The following CSNK1G1 variants were observed in gnomAD, a reference collection of about 807,000 sequenced individuals.
CSNK1G1 encodes casein kinase I isoform gamma-1.
In CSNK1G1, 22 loss-of-function variants were observed where a neutral mutation model predicts 59.6. The ratio of observed to expected loss-of-function variants is 0.37; its 90% CI spans 0.26 to 0.53. The LOEUF (loss-of-function observed/expected upper bound fraction) is 0.53, where lower values mean the gene tolerates loss of function less well. Ranked by LOEUF, CSNK1G1 falls within the 20% of genes least tolerant of loss-of-function variation. The pLI is 0.89. For synonymous variants in CSNK1G1, 179 were observed against 177.1 expected, an observed-to-expected ratio of 1.01 and a Z score of -0.08; for missense variants, 384 against 519.5, an observed-to-expected ratio of 0.74 and a Z score of 2.54.
chr15:64,305,738 A>C (rs1895651371), intron 1 of CSNK1G1, among the ~76,000 whole-genome samples: 1 of 149,330 alleles, frequency 6.7e-6, no homozygotes, highest in Non-Finnish European at 1.5e-5. Context: ...AAAACTTACT[A>C]TAAAGCTACA....
chr15:64,205,424 T>C (rs2082163917), intron 7 of CSNK1G1, among the ~76,000 whole-genome samples: 2 of 152,086 alleles, frequency 1.3e-5, no homozygotes, highest in Admixed American at 6.6e-5. Context: ...AACTGAAAAA[T>C]GTCTTTCAAC....
chr15:64,227,797 A>G (rs966944238), intron 4 of CSNK1G1, among the ~76,000 whole-genome samples: 5 of 152,216 alleles, frequency 3.3e-5, no homozygotes, highest in African/African-American at 1.2e-4. Context: ...GAAATCTCCT[A>G]GGTTCCCAAA....
intron 1 of CSNK1G1, among the ~76,000 whole-genome samples, chr15:64,316,003 A>G (rs1896241947): frequency 6.6e-6 from 1 of 152,174 alleles, no homozygotes; most frequent in Non-Finnish European, 1.5e-5. Context: ...TATTTAAAGC[A>G]CACATTTGGG....
At chr15:64,283,561 C>CA (rs1894256330) in intron 2 of CSNK1G1, among the ~76,000 whole-genome samples, 2 of 151,814 alleles carry the variant, frequency 1.3e-5, no homozygotes, top group Admixed American at 1.3e-4. Context: ...AGGCTGGTCT[C>CA]AAACTCCTGA....
intron 10 of CSNK1G1, chr15:64,181,286 A>T: frequency 6.5e-7 from 1 of 1,536,020 alleles, no homozygotes; most frequent in Non-Finnish European, 8.7e-7. Context: ...GTTAATGTGG[A>T]CCCAATCAGG....
In CSNK1G1 at chr15:64,173,753, G is replaced by A. The variant is rs539887580; in HGVS notation, c.1215-1768C>T. On this transcript the variant is annotated intron_variant, in intron 11 of 11. Transcript: ENST00000303052. Reference sequence around the variant, plus strand: ...TTCTCCTGCCTCAGCCTCCTGAGTAGCTGGTGCCCACCAGCACACCCGGCT... The same window carrying A: ...TTCTCCTGCCTCAGCCTCCTGAGTAACTGGTGCCCACCAGCACACCCGGCT... 3.3e-5 allele frequency among the ~76,000 whole-genome samples: 5 copies of A among 151,054 alleles called. No individual in the cohort carries two copies. The East Asian group carries it at 9.8e-4, about 30-fold the overall frequency.
At chr15:64,269,456 T>C (rs1180567623) in intron 2 of CSNK1G1, among the ~76,000 whole-genome samples, 1 of 151,980 alleles carries the variant, frequency 6.6e-6, no homozygotes, top group Admixed American at 6.6e-5. Context: ...TTCTGGCTTG[T>C]GTGCACAGAG....
intron 3 of CSNK1G1, among the ~76,000 whole-genome samples, chr15:64,258,641 C>T (rs1176910644): frequency 1.3e-5 from 2 of 151,844 alleles, no homozygotes; most frequent in Non-Finnish European, 1.5e-5. Flanking sequence ...ATTATTAGTC[C>T]TCAAAAATAA....
chr15:64,251,614 T>C, intron 3 of CSNK1G1, 33 bp from the exon 4 acceptor site: 1 of 1,489,912 alleles, frequency 6.7e-7, no homozygotes, highest in Non-Finnish European at 9.3e-7. Flanking sequence ...GTGATCAGAT[T>C]TAAACAAATG....
intron 4 of CSNK1G1, among the ~76,000 whole-genome samples, chr15:64,238,267 T>C (rs1174460625): frequency 2.7e-5 from 4 of 150,920 alleles, no homozygotes; most frequent in South Asian, 2.1e-4. Flanking sequence ...TATACGCACA[T>C]AAAAAAAATC....
intron 4 of CSNK1G1, among the ~76,000 whole-genome samples, chr15:64,230,834 C>A (rs761823817): frequency 6.6e-6 from 1 of 151,956 alleles, no homozygotes; most frequent in African/African-American, 2.4e-5. Flanking sequence ...ATTAGCCAGG[C>A]GTGGTGGTGG....
At chr15:64,224,433 G>T (rs974713619) in intron 4 of CSNK1G1, among the ~76,000 whole-genome samples, 2 of 152,078 alleles carry the variant, frequency 1.3e-5, no homozygotes, top group Non-Finnish European at 2.9e-5. Context: ...AGGGAAAAAT[G>T]GAAGCATAGC....
chr15:64,237,642 T>C (rs2082633754), intron 4 of CSNK1G1, among the ~76,000 whole-genome samples: 1 of 152,216 alleles, frequency 6.6e-6, no homozygotes, highest in South Asian at 2.1e-4. Context: ...GCTCAGCTTA[T>C]TTATAATGTA....
chr15:64,321,240 A>G (rs1566946678), intron 1 of CSNK1G1, among the ~76,000 whole-genome samples: 1 of 149,242 alleles, frequency 6.7e-6, no homozygotes, highest in Admixed American at 6.7e-5. Context: ...AAAAAAAAGC[A>G]TTTTTTTTCT....
intron 2 of CSNK1G1, among the ~76,000 whole-genome samples, chr15:64,267,256 C>CAAAAAAAAA (rs199581105): frequency 1.3e-4 from 8 of 61,814 alleles, no homozygotes; most frequent in African/African-American, 2.4e-4. Context: ...GACCTTATCT[C>CAAAAAAAAA]AAAAAAAAAA....
At chr15:64,324,564 C>CA (rs1035802087) in intron 1 of CSNK1G1, among the ~76,000 whole-genome samples, 13 of 152,346 alleles carry the variant, frequency 8.5e-5, no homozygotes, top group African/African-American at 2.9e-4. Flanking sequence ...GGCCTTCGGC[C>CA]ACAGACTGGA....
intron 1 of CSNK1G1, among the ~76,000 whole-genome samples, chr15:64,328,378 TAAAGA>T (rs1484106625): frequency 4.8e-5 from 7 of 145,818 alleles, no homozygotes; most frequent in Non-Finnish European, 7.5e-5. Context: ...TCAACATTCT[TAAAGA>T]AAAGAATTTT....
chr15:64,271,948 T>C (rs1702793717), intron 2 of CSNK1G1, among the ~76,000 whole-genome samples: 2 of 152,220 alleles, frequency 1.3e-5, no homozygotes, highest in Admixed American at 6.5e-5. Flanking sequence ...GTCGGGTGCA[T>C]ATATACTTAG....
chr15:64,341,551 C>CA (rs1897681176), intron 1 of CSNK1G1, among the ~76,000 whole-genome samples: 1 of 152,232 alleles, frequency 6.6e-6, no homozygotes, highest in Non-Finnish European at 1.5e-5. Context: ...GATCTCACTG[C>CA]AGCCTCAAAC....
Sources: gnomAD v4.1 joint callset for allele counts (sites outside exome capture counted in the v4.1 genomes callset) on GRCh38, gnomAD v4.1.1 for gene constraint, MANE v1.5 for transcripts, NCBI Gene and HGNC (gene_info 2026-07-23, HGNC 2026-07-21) for gene names.